The following RBFOX1 variants were observed in gnomAD, a reference collection of about 807,000 sequenced individuals.
RBFOX1 encodes RNA binding protein fox-1 homolog 1.
RBFOX1 carries 8 observed loss-of-function variants against 57.7 expected under a neutral mutation model. The observed-to-expected ratio is 0.14, with a 90% CI of 0.08 to 0.25. The LOEUF is 0.25. Among genes scored for constraint, RBFOX1 ranks in the 10% least tolerant of loss-of-function variants. RBFOX1 has a pLI of 1.00. For synonymous variants in RBFOX1, 326 were observed against 222.4 expected (o/e 1.47, Z -4.15); for missense variants, 611 against 548.5 (o/e 1.11, Z -1.14).
intron 3 of RBFOX1, among the ~76,000 whole-genome samples, chr16:5,706,852 T>C (rs2051267455): frequency 6.6e-6 from 1 of 152,074 alleles, no homozygotes; most frequent in Non-Finnish European, 1.5e-5. Context: ...ATGGCTTTTT[T>C]TTTGGTGTAG....
chr16:6,351,588 G>T (rs2086410110), intron 2 of RBFOX1, among the ~76,000 whole-genome samples: 1 of 151,680 alleles, frequency 6.6e-6, no homozygotes, highest in African/African-American at 2.4e-5. Flanking sequence ...TGGCCAGGGT[G>T]GTCTCGAACT....
intron 1 of RBFOX1, among the ~76,000 whole-genome samples, chr16:6,182,017 A>C (rs184882740): frequency 1.3e-5 from 2 of 152,302 alleles, no homozygotes; most frequent in African/African-American, 4.8e-5. Context: ...GCCAGAGTTC[A>C]GTCACATGGT....
At chr16:6,099,949 A>G (rs569548651) in intron 1 of RBFOX1, among the ~76,000 whole-genome samples, 1 of 152,304 alleles carries the variant, frequency 6.6e-6, no homozygotes, top group East Asian at 1.9e-4. Flanking sequence ...TCTTTACAAG[A>G]AGGTGGTGTA....
intron 4 of RBFOX1, among the ~76,000 whole-genome samples, chr16:7,216,064 T>C (rs917586001): frequency 6.6e-6 from 1 of 152,182 alleles, no homozygotes; most frequent in African/African-American, 2.4e-5. Flanking sequence ...ATTTGTTCTT[T>C]TGTATTTGCC....
chr16:6,136,990 A>G (rs2096671694), intron 1 of RBFOX1, among the ~76,000 whole-genome samples: 1 of 152,160 alleles, frequency 6.6e-6, no homozygotes, highest in South Asian at 2.1e-4. Context: ...TTGAGTTGTT[A>G]ATTATCACCC....
intron 14 of RBFOX1, among the ~76,000 whole-genome samples, chr16:7,708,360 G>A (rs962422960): frequency 7.9e-5 from 12 of 152,084 alleles, no homozygotes; most frequent in African/African-American, 2.9e-4. Context: ...GTAGTAGGAT[G>A]GTAGAGAGAA....
At chr16:7,362,662 T>C in intron 4 of RBFOX1, among the ~76,000 whole-genome samples, 1 of 151,036 alleles carries the variant, frequency 6.6e-6, no homozygotes, top group South Asian at 2.1e-4. Context: ...GTATGTTTTT[T>C]ATGTTAGTTT....
intron 2 of RBFOX1, among the ~76,000 whole-genome samples, chr16:6,519,584 C>G (rs184000007): frequency 3.3e-5 from 5 of 152,224 alleles, no homozygotes; most frequent in Admixed American, 1.3e-4. Flanking sequence ...GCCTGCAATT[C>G]CAGCTACTCA....
chr16:5,906,513 C>G (rs1404121053), intron 4 of RBFOX1, among the ~76,000 whole-genome samples: 1 of 151,570 alleles, frequency 6.6e-6, no homozygotes, highest in Admixed American at 6.6e-5. Flanking sequence ...GCCTCCAGAA[C>G]TGAGATGATA....
At chr16:6,045,597 A>G (rs907582438) in intron 1 of RBFOX1, among the ~76,000 whole-genome samples, 2 of 152,228 alleles carry the variant, frequency 1.3e-5, no homozygotes, top group African/African-American at 4.8e-5. Context: ...GGTGCTGAGA[A>G]TAAATCAATG....
intron 4 of RBFOX1, among the ~76,000 whole-genome samples, chr16:5,895,156 T>G (rs1462419527): frequency 1.3e-5 from 2 of 152,232 alleles, no homozygotes; most frequent in Non-Finnish European, 2.9e-5. Flanking sequence ...ACCATAAGAT[T>G]GTCCATATCA....
intron 5 of RBFOX1, among the ~76,000 whole-genome samples, chr16:7,548,190 A>T (rs185150040): frequency 6.6e-6 from 1 of 152,120 alleles, no homozygotes; most frequent in African/African-American, 2.4e-5. Context: ...TTTACTTTTG[A>T]GACAGAGAGT....
chr16:7,100,411 C>G lies in RBFOX1; in HGVS notation c.27+48313C>G, dbSNP rs570496655. ...TCACTCAACATTTTTGACGTATTTC[C>G]TCCTCTTTTAAAATATCAGTATATT... On this transcript the variant is annotated intron_variant, in intron 4 of 15. Coordinates refer to ENST00000550418, the MANE Select transcript of RBFOX1 (RefSeq NM_018723.4). Among the ~76,000 whole-genome samples the G allele has an allele frequency of 4.0e-4, 61 of 152,150 alleles. 2 individuals are homozygous for G. The South Asian group carries it at 0.011, about 28-fold the overall frequency.
chr16:6,282,245 G>A (rs955797399), intron 1 of RBFOX1, among the ~76,000 whole-genome samples: 4 of 151,768 alleles, frequency 2.6e-5, no homozygotes, highest in African/African-American at 9.7e-5. Flanking sequence ...TAATCTTAAA[G>A]TGAAAAATCT....
At chr16:7,465,218 C>G (rs2060290402) in intron 4 of RBFOX1, among the ~76,000 whole-genome samples, 1 of 152,294 alleles carries the variant, frequency 6.6e-6, no homozygotes, top group South Asian at 2.1e-4. Context: ...AGCAAACTCT[C>G]AGCTCACATG....
intron 3 of RBFOX1, among the ~76,000 whole-genome samples, chr16:5,630,678 A>G (rs1454958371): frequency 2.0e-5 from 3 of 152,090 alleles, no homozygotes; most frequent in Non-Finnish European, 4.4e-5. Context: ...AGAGAAGCCA[A>G]GCCGGCTTCT....
At chr16:7,639,014 C>G (rs1053344416) in intron 11 of RBFOX1, among the ~76,000 whole-genome samples, 1 of 151,524 alleles carries the variant, frequency 6.6e-6, no homozygotes, top group African/African-American at 2.4e-5. Flanking sequence ...GATAGGTACC[C>G]TTCTCCTGGT....
intron 3 of RBFOX1, among the ~76,000 whole-genome samples, chr16:6,890,346 C>G (rs1353527833): frequency 3.3e-5 from 5 of 152,126 alleles, no homozygotes; most frequent in Admixed American, 2.0e-4. Context: ...AGGTGAAACC[C>G]CGTCTCTACT....
intron 3 of RBFOX1, among the ~76,000 whole-genome samples, chr16:6,744,043 T>C (rs1454565695): frequency 6.6e-6 from 1 of 151,966 alleles, no homozygotes; most frequent in Non-Finnish European, 1.5e-5. Flanking sequence ...TAAAAAGTAA[T>C]AAAGATACAG....
Sources: gnomAD v4.1 joint callset for allele counts (sites outside exome capture counted in the v4.1 genomes callset) on GRCh38, gnomAD v4.1.1 for gene constraint, MANE v1.5 for transcripts, NCBI Gene and HGNC (gene_info 2026-07-23, HGNC 2026-07-21) for gene names.